CAMK2D: variants seen among roughly 807,000 people sequenced by gnomAD.
CAMK2D encodes the protein calcium/calmodulin-dependent protein kinase type II subunit delta.
Under a neutral mutation model 84.0 loss-of-function variants are expected in CAMK2D, and 37 were observed. The observed-to-expected ratio is 0.44, with a 90% confidence interval of 0.34 to 0.58. The LOEUF (loss-of-function observed/expected upper bound fraction) is 0.58, where lower values mean the gene tolerates loss of function less well. Among genes scored for constraint, CAMK2D ranks in the 20% least tolerant of loss-of-function variants. The pLI, the probability that CAMK2D is intolerant of heterozygous loss-of-function variation, is 0.02. For missense variants in CAMK2D, 448 were observed against 652.5 expected, an observed-to-expected ratio of 0.69 and a Z score of 3.41; for synonymous variants, 202 against 212.5, an observed-to-expected ratio of 0.95 and a Z score of 0.43.
At chr4:113,720,541 T>C (rs1232426057) in intron 2 of CAMK2D, among the ~76,000 whole-genome samples, 1 of 152,032 alleles carries the variant, frequency 6.6e-6, no homozygotes, top group Non-Finnish European at 1.5e-5. Context: ...AATCTGATAT[T>C]GGCCATCTAT....
At chr4:113,468,618 G>A (rs2097506807) in intron 16 of CAMK2D, among the ~76,000 whole-genome samples, 1 of 152,148 alleles carries the variant, frequency 6.6e-6, no homozygotes, top group Non-Finnish European at 1.5e-5. Context: ...GTGTTAGCTA[G>A]CTCTACTCTC....
chr4:113,656,991 T>G (rs1024221536), intron 3 of CAMK2D, among the ~76,000 whole-genome samples: 1 of 152,284 alleles, frequency 6.6e-6, no homozygotes, highest in East Asian at 1.9e-4. Flanking sequence ...CTACCCTTAA[T>G]GTCTAAGTCC....
At chr4:113,557,221 A>G (rs1686389881) in intron 4 of CAMK2D, among the ~76,000 whole-genome samples, 1 of 151,932 alleles carries the variant, frequency 6.6e-6, no homozygotes, top group South Asian at 2.1e-4. Flanking sequence ...CCCAGCCCCC[A>G]TATCAACTCT....
chr4:113,495,096 G>A (rs991768178), intron 16 of CAMK2D, among the ~76,000 whole-genome samples: 6 of 152,150 alleles, frequency 3.9e-5, no homozygotes, highest in Admixed American at 6.5e-5. Flanking sequence ...GAAATCACCC[G>A]TCTTCTGCGT....
intron 3 of CAMK2D, among the ~76,000 whole-genome samples, chr4:113,647,839 T>C (rs1276316644): frequency 1.3e-5 from 2 of 152,234 alleles, no homozygotes; most frequent in African/African-American, 2.4e-5. Flanking sequence ...GGCAGATTTA[T>C]ATAAGAAATA....
intron 2 of CAMK2D, among the ~76,000 whole-genome samples, chr4:113,722,028 G>A (rs920030720): frequency 6.6e-6 from 1 of 152,016 alleles, no homozygotes; most frequent in East Asian, 1.9e-4. Context: ...CACTTAGCAC[G>A]CCCATGTATA....
chr4:113,730,207 T>C (rs2099561203), intron 2 of CAMK2D, among the ~76,000 whole-genome samples: 1 of 152,242 alleles, frequency 6.6e-6, no homozygotes, highest in Non-Finnish European at 1.5e-5. Flanking sequence ...CTTTAACTTT[T>C]CAGATGGCAT....
Position 113,462,182 on chromosome 4 carries a change from C to T in CAMK2D, c.1212-1941G>A, listed in dbSNP as rs567085377. Among the ~76,000 whole-genome samples, 191 of 152,118 alleles carry T rather than the reference C, an allele frequency of 1.3e-3. 1 individual carries two copies. Among genetic ancestry groups the T allele is most frequent in the Non-Finnish European group, 2.3e-3 (154 of 67,996 alleles). On this transcript the variant is annotated intron_variant, in intron 17 of 20. Transcript: ENST00000511664. Reference sequence around the variant, plus strand: ...TGAACCAAAATTTCTTACTGCCTTACATCAGTACTAACATAATCTGGGAAT... The same window carrying T: ...TGAACCAAAATTTCTTACTGCCTTATATCAGTACTAACATAATCTGGGAAT...
chr4:113,565,450 A>G (rs1404059803), intron 4 of CAMK2D, among the ~76,000 whole-genome samples: 2 of 152,180 alleles, frequency 1.3e-5, no homozygotes, highest in Non-Finnish European at 2.9e-5. Flanking sequence ...CAGGAGTTCA[A>G]GAACAGCCTG....
chr4:113,737,774 T>G (rs1421559778), intron 2 of CAMK2D, among the ~76,000 whole-genome samples: 1 of 152,158 alleles, frequency 6.6e-6, no homozygotes, highest in Admixed American at 6.5e-5. Flanking sequence ...CATCTGGTTG[T>G]GAATCTTTAT....
At chr4:113,534,409 G>T (rs1402070556) in intron 7 of CAMK2D, among the ~76,000 whole-genome samples, 1 of 152,130 alleles carries the variant, frequency 6.6e-6, no homozygotes. Flanking sequence ...CTGAAATACT[G>T]AATTGCCTTA....
intron 2 of CAMK2D, among the ~76,000 whole-genome samples, chr4:113,726,374 C>CTT (rs34696947): frequency 0.04 from 2,769 of 69,526 alleles, 5 homozygotes; most frequent in African/African-American, 0.045. Context: ...TTTGCTTGGG[C>CTT]TTTTTTTTTT....
Position 113,709,746 on chromosome 4 carries a change from G to GATATATACATATATATAT in CAMK2D, c.161-47975_161-47974insATATATATATGTATATAT, listed in dbSNP as rs1298341709. On this transcript the variant is annotated intron_variant, in intron 2 of 20. Transcript: ENST00000511664. ...GAGTGAAAAGCTAAAAGCCGTGAAC[G>GATATATACATATATATAT]ATATATATATATATATATATATATA... 4.8e-4 allele frequency among the ~76,000 whole-genome samples: 24 copies of GATATATACATATATATAT among 49,806 alleles called. 2 individuals are homozygous for GATATATACATATATATAT. The highest frequency in any genetic ancestry group is 2.6e-3 in the African/African-American group (23 of 8,928). The allele number at this position is 49,806 out of a possible 152,430, so 32.7% of individuals were successfully genotyped here. A position where few individuals can be genotyped will look rare whatever the true frequency, so the allele number is the denominator to read the frequency against.
At position 113,602,102 on chromosome 4, in the gene CAMK2D, T is replaced by A. The variant is rs538449929; in HGVS notation, c.275+7050A>T. 7.2e-5 allele frequency among the ~76,000 whole-genome samples: 11 copies of A among 152,222 alleles called. No homozygotes were observed. The East Asian group carries it at 1.7e-3, about 24-fold the overall frequency. ...ACACTATTTTAGTTCTTTTTTTTTT[T>A]ATTTCTCCCAACACCTTACTTCAGT... On this transcript the variant is annotated intron_variant, in intron 4 of 20. Transcript: ENST00000511664.
chr4:113,581,530 A>AG lies in CAMK2D; in HGVS notation c.275+27621_275+27622insC, dbSNP rs1259866169. Reference sequence around the variant, plus strand: ...CTTTCTCATAAAAAAAAAAAAAAAAAAAAGAAAAGAAAAGAAAAGAAAAAG... The same window carrying AG: ...CTTTCTCATAAAAAAAAAAAAAAAAAGAAAGAAAAGAAAAGAAAAGAAAAAG... On this transcript the variant is annotated intron_variant, in intron 4 of 20. Transcript: ENST00000511664. Among the ~76,000 whole-genome samples the AG allele has an allele frequency of 1.9e-3, 80 of 42,578 alleles. 2 individuals are homozygous for AG. In the Middle Eastern group the frequency reaches 0.062, roughly 33 times the overall value. The allele number at this position is 42,578 out of a possible 152,430, so 27.9% of individuals were successfully genotyped here. A position where few individuals can be genotyped will look rare whatever the true frequency, so the allele number is the denominator to read the frequency against.
intron 4 of CAMK2D, among the ~76,000 whole-genome samples, chr4:113,604,637 T>A (rs1413378628): frequency 6.6e-6 from 1 of 152,238 alleles, no homozygotes; most frequent in African/African-American, 2.4e-5. Flanking sequence ...TGTAAACTTT[T>A]ACCTTCTTCA....
Position 113,761,686 on chromosome 4 carries a change from C to T in CAMK2D, c.-618G>A. The T allele has an allele frequency of 1.0e-6, 1 of 982,598 alleles. No individual in the cohort carries two copies. The highest frequency in any genetic ancestry group is 1.2e-6 in the Non-Finnish European group (1 of 827,462). The allele number at this position is 982,598 out of a possible 1,614,324, so 60.9% of individuals were successfully genotyped here. A position where few individuals can be genotyped will look rare whatever the true frequency, so the allele number is the denominator to read the frequency against. Reference sequence around the variant, plus strand: ...CCGGCGAAGCGAGGCACCTTGGCGGCCTCGCGCTGCTCACGAGCCCGCGCG... The same window carrying T: ...CCGGCGAAGCGAGGCACCTTGGCGGTCTCGCGCTGCTCACGAGCCCGCGCG... On this transcript the variant is annotated 5_prime_UTR_variant, in exon 1 of 21. Transcript: ENST00000511664.
At chr4:113,558,446 A>G (rs1036033252) in intron 4 of CAMK2D, among the ~76,000 whole-genome samples, 1 of 152,198 alleles carries the variant, frequency 6.6e-6, no homozygotes, top group African/African-American at 2.4e-5. Flanking sequence ...GTATATGAGG[A>G]TTTGACAATG....
rs193267063 is a variant in CAMK2D, at chr4:113,708,411, A to G, written c.161-46639T>C. 5.9e-5 allele frequency among the ~76,000 whole-genome samples: 9 copies of G among 152,318 alleles called. 1 individual carries two copies. The highest frequency in any genetic ancestry group is 2.2e-4 in the African/African-American group (9 of 41,578). On this transcript the variant is annotated intron_variant, in intron 2 of 20. Coordinates refer to ENST00000511664, the MANE Select transcript of CAMK2D (RefSeq NM_001321571.2). ...GGGCTGCATGGCTGGAGAGTCTCCA[A>G]CTGACAATAAAATGAACGAGGAACT...
Sources: gnomAD v4.1 joint callset for allele counts (sites outside exome capture counted in the v4.1 genomes callset) on GRCh38, gnomAD v4.1.1 for gene constraint, MANE v1.5 for transcripts, NCBI Gene and HGNC (gene_info 2026-07-23, HGNC 2026-07-21) for gene names.